Variants in ABLIM1 observed in about 807,000 individuals in gnomAD.
ABLIM1 encodes actin-binding LIM protein 1.
A neutral mutation model predicts 107.0 loss-of-function variants in ABLIM1; 40 were observed. The observed-to-expected ratio is 0.37, with a 90% CI of 0.29 to 0.49. The LOEUF (loss-of-function observed/expected upper bound fraction) is 0.49. Among genes scored for constraint, ABLIM1 ranks in the 20% least tolerant of loss-of-function variants. The probability of loss-of-function intolerance (pLI) is 0.97; values close to 1 mark genes in which losing one functional copy is unlikely to be tolerated. For missense variants in ABLIM1, 857 were observed against 1,008.5 expected (o/e 0.85, Z 2.04); for synonymous variants, 357 against 357.3 (o/e 1.00, Z 0.01).
chr10:114,585,330 G>A (rs1178477410), intron 2 of ABLIM1, among the ~76,000 whole-genome samples: 1 of 151,966 alleles, frequency 6.6e-6, no homozygotes, highest in African/African-American at 2.4e-5. Flanking sequence ...ATGTATCTTT[G>A]CCTTTTATAA....
At chr10:114,667,682 T>C (rs1236688505) in intron 1 of ABLIM1, among the ~76,000 whole-genome samples, 1 of 152,200 alleles carries the variant, frequency 6.6e-6, no homozygotes, top group Non-Finnish European at 1.5e-5. Context: ...TCCCAGTCAA[T>C]CCCTGCCCTC....
intron 1 of ABLIM1, among the ~76,000 whole-genome samples, chr10:114,630,433 A>G (rs2078099424): frequency 6.6e-6 from 1 of 152,150 alleles, no homozygotes; most frequent in East Asian, 1.9e-4. Context: ...CTTTATTCAC[A>G]CCGAATCATT....
rs2059225888 is a variant in ABLIM1 at position 114,434,948 on chromosome 10, T to C, written c.*1312A>G. 6.6e-6 allele frequency: 1 copy of C among 152,138 alleles called. No homozygotes were observed. Among genetic ancestry groups the C allele is most frequent in the South Asian group, 2.1e-4 (1 of 4,822 alleles). The allele number at this position is 152,138 out of a possible 1,614,324, so 9.4% of individuals were successfully genotyped here. On this transcript the variant is annotated 3_prime_UTR_variant, in exon 23 of 23. Transcript: ENST00000533213. ...GAAGGAAGTGATGTTGGGGTCGCAG[T>C]TTAGCCTCACTCTTGATCTTTGAGT...
chr10:114,473,563 C>T (rs922187811), intron 9 of ABLIM1, among the ~76,000 whole-genome samples: 1 of 151,514 alleles, frequency 6.6e-6, no homozygotes, highest in African/African-American at 2.4e-5. Flanking sequence ...ATATTTAATC[C>T]CCAAATATCT....
chr10:114,611,892 A>G (rs959057781), intron 1 of ABLIM1, among the ~76,000 whole-genome samples: 1 of 152,224 alleles, frequency 6.6e-6, no homozygotes, highest in African/African-American at 2.4e-5. Context: ...CCTTTCTCTG[A>G]CCATGTTCAA....
chr10:114,486,327 A>G (rs1189644474), intron 8 of ABLIM1, among the ~76,000 whole-genome samples: 1 of 152,152 alleles, frequency 6.6e-6, no homozygotes, highest in African/African-American at 2.4e-5. Context: ...ACTTCATCAG[A>G]GATGAAGTTA....
Position 114,716,842 on chromosome 10 carries a change from TAAA to T in ABLIM1, c.-213+51216_-213+51218del, listed in dbSNP as rs34567416. ...AATTGCTTGCACTGCCTGGAACTGT[TAAA>T]AAAAAAAAAAAAAAAAGCAGAAGAG... On this transcript the variant is annotated intron_variant, in intron 1 of 15. Transcript: ENST00000651092. Among the ~76,000 whole-genome samples, 537 of 134,534 alleles carry T rather than the reference TAAA, an allele frequency of 4.0e-3. 4 individuals carry two copies. The highest frequency in any genetic ancestry group is 0.012 in the African/African-American group (441 of 36,526). 88.3% of individuals were successfully genotyped at this position (134,534 alleles called of 152,430 possible). A position where few individuals can be genotyped will look rare whatever the true frequency, so the allele number is the denominator to read the frequency against.
rs745875295 is a variant in ABLIM1 at position 114,634,129 on chromosome 10, C to CTTTTTTTTTTTTTTTTTTTTT, written c.244+23807_244+23827dup. 2.1e-4 allele frequency among the ~76,000 whole-genome samples: 14 copies of CTTTTTTTTTTTTTTTTTTTTT among 68,288 alleles called. 3 individuals are homozygous for CTTTTTTTTTTTTTTTTTTTTT. The highest frequency in any genetic ancestry group is 1.1e-3 in the East Asian group (2 of 1,756). 44.8% of individuals were successfully genotyped at this position (68,288 alleles called of 152,430 possible). A position where few individuals can be genotyped will look rare whatever the true frequency, so the allele number is the denominator to read the frequency against. On this transcript the variant is annotated intron_variant, in intron 1 of 22. Coordinates refer to ENST00000533213, the MANE Select transcript of ABLIM1 (RefSeq NM_002313.7). ...CGTAAATGCCATTAGCTCAATTTTT[C>CTTTTTTTTTTTTTTTTTTTTT]TTTTTTTTTTTTTTTTTTTTTGAGA...
At chr10:114,437,731 A>T in intron 22 of ABLIM1, 113 bp downstream of exon 22, 1 of 866,926 alleles carries the variant, frequency 1.2e-6, no homozygotes. Flanking sequence ...CATGAGGGTG[A>T]TCTTTATAAT....
chr10:114,515,133 C>T (rs548015663), intron 6 of ABLIM1, among the ~76,000 whole-genome samples: 29 of 152,314 alleles, frequency 1.9e-4, no homozygotes, highest in Non-Finnish European at 2.9e-4. Flanking sequence ...TTAAGTGACA[C>T]GTGACTGCAA....
chr10:114,679,108 A>C (rs990631325), intron 1 of ABLIM1, among the ~76,000 whole-genome samples: 1 of 152,228 alleles, frequency 6.6e-6, no homozygotes, highest in Non-Finnish European at 1.5e-5. Flanking sequence ...GAGGTCACGC[A>C]TATTTCTACA....
At chr10:114,670,833 C>A (rs2080223672) in intron 1 of ABLIM1, among the ~76,000 whole-genome samples, 1 of 152,230 alleles carries the variant, frequency 6.6e-6, no homozygotes. Context: ...TAATGGAGTT[C>A]AGATCACATT....
intron 1 of ABLIM1, among the ~76,000 whole-genome samples, chr10:114,673,798 G>A (rs994293288): frequency 1.4e-4 from 21 of 152,298 alleles, no homozygotes; most frequent in African/African-American, 5.1e-4. Flanking sequence ...ATTTGGACAC[G>A]ATGACGGGCT....
At chr10:114,689,935 A>G (rs1006972268), upstream of ABLIM1, among the ~76,000 whole-genome samples, 1 of 152,148 alleles carries the variant, frequency 6.6e-6, no homozygotes, top group Non-Finnish European at 1.5e-5. Context: ...CTAACTTTTT[A>G]TAGTTATTTA....
chr10:114,675,553 A>G (rs1280207158), intron 1 of ABLIM1, among the ~76,000 whole-genome samples: 4 of 152,192 alleles, frequency 2.6e-5, no homozygotes, highest in Non-Finnish European at 5.9e-5. Flanking sequence ...TTTCCTTTAT[A>G]AATTACCCAG....
intron 6 of ABLIM1, among the ~76,000 whole-genome samples, chr10:114,534,302 G>C (rs1415344182): frequency 6.6e-6 from 1 of 152,096 alleles, no homozygotes; most frequent in Non-Finnish European, 1.5e-5. Flanking sequence ...AGAGGAGAAA[G>C]GACTACTCTG....
At chr10:114,444,165 A>AG in intron 16 of ABLIM1, 31 bp from the exon 17 acceptor site, 1 of 1,506,216 alleles carries the variant, frequency 6.6e-7, no homozygotes, top group Admixed American at 2.2e-5. Context: ...AAAAAAAAAA[A>AG]AAAGAAAGCA....
intron 8 of ABLIM1, among the ~76,000 whole-genome samples, chr10:114,476,305 C>T (rs2056390895): frequency 6.6e-6 from 1 of 152,116 alleles, no homozygotes; most frequent in Non-Finnish European, 1.5e-5. Context: ...AAAATTCTAC[C>T]TCTGAGTATG....
At chr10:114,800,668 T>A in the ABLIM1 span, among the ~76,000 whole-genome samples, 1 of 152,200 alleles carries the variant, frequency 6.6e-6, no homozygotes, top group Non-Finnish European at 1.5e-5. Flanking sequence ...ATCCCAGCAC[T>A]CTGGGAGGCC....
Sources: gnomAD v4.1 joint callset for allele counts (sites outside exome capture counted in the v4.1 genomes callset) on GRCh38, gnomAD v4.1.1 for gene constraint, MANE v1.5 for transcripts, NCBI Gene and HGNC (gene_info 2026-07-23, HGNC 2026-07-21) for gene names.